NALF1: variants seen among roughly 807,000 people sequenced by gnomAD.
The protein encoded by NALF1 is NALCN channel auxiliary factor 1.
NALF1 carries 3 observed loss-of-function variants against 48.4 expected under a neutral mutation model. That is an observed-to-expected ratio of 0.06 (90% CI 0.03 to 0.16). The LOEUF (loss-of-function observed/expected upper bound fraction) is 0.16, where lower values mean the gene tolerates loss of function less well. Among genes scored for constraint, NALF1 ranks in the 10% least tolerant of loss-of-function variants. The probability of loss-of-function intolerance (pLI) is 1.00; values close to 1 mark genes in which losing one functional copy is unlikely to be tolerated. For synonymous variants in NALF1, 262 were observed against 245.7 expected, an observed-to-expected ratio of 1.07 and a Z score of -0.62; for missense variants, 526 against 571.5, an observed-to-expected ratio of 0.92 and a Z score of 0.81.
At chr13:107,280,928 A>G (rs949631184) in intron 1 of NALF1, among the ~76,000 whole-genome samples, 5 of 152,216 alleles carry the variant, frequency 3.3e-5, no homozygotes, top group African/African-American at 2.4e-5. Context: ...ATCCCTTTGT[A>G]TTACAGTTTG....
intron 1 of NALF1, among the ~76,000 whole-genome samples, chr13:107,302,246 T>C (rs773356766): frequency 5.9e-5 from 9 of 152,190 alleles, no homozygotes; most frequent in Non-Finnish European, 8.8e-5. Context: ...ACGCAGTCCC[T>C]GAACCTTGGA....
intron 1 of NALF1, among the ~76,000 whole-genome samples, chr13:107,769,219 T>C (rs1176055298): frequency 6.7e-6 from 1 of 148,742 alleles, no homozygotes; most frequent in African/African-American, 2.5e-5. Flanking sequence ...TAAATCATGC[T>C]GCTATAAAGA....
chr13:107,286,580 C>T (rs1252629443), intron 1 of NALF1, among the ~76,000 whole-genome samples: 1 of 126,096 alleles, frequency 7.9e-6, no homozygotes, highest in African/African-American at 2.9e-5. Context: ...GAGTAAGACC[C>T]TGTCTCAAAA....
At chr13:107,403,899 A>C (rs1399112063) in intron 1 of NALF1, among the ~76,000 whole-genome samples, 1 of 152,110 alleles carries the variant, frequency 6.6e-6, no homozygotes, top group East Asian at 1.9e-4. Context: ...AATAAAAGGG[A>C]GGAGTTACTA....
intron 1 of NALF1, among the ~76,000 whole-genome samples, chr13:107,396,666 C>T (rs1232355414): frequency 6.6e-6 from 1 of 152,116 alleles, no homozygotes; most frequent in African/African-American, 2.4e-5. Context: ...TGAAAAAGCA[C>T]ATTATTAGCA....
chr13:107,216,726 C>A (rs1359241495), intron 1 of NALF1, among the ~76,000 whole-genome samples: 1 of 152,144 alleles, frequency 6.6e-6, no homozygotes, highest in Non-Finnish European at 1.5e-5. Context: ...ATTCTCAACA[C>A]CAAAATGAGG....
chr13:107,688,445 G>C (rs1881488474), intron 1 of NALF1, among the ~76,000 whole-genome samples: 1 of 152,146 alleles, frequency 6.6e-6, no homozygotes, highest in Non-Finnish European at 1.5e-5. Context: ...TAAATTGGAT[G>C]AGCTTTAAAT....
chr13:107,767,034 A>G (rs571802444), intron 1 of NALF1, among the ~76,000 whole-genome samples: 2 of 152,338 alleles, frequency 1.3e-5, no homozygotes, highest in Admixed American at 1.3e-4. Flanking sequence ...CGGGTAAGAC[A>G]GAGTCAGAGA....
At chr13:107,530,258 G>GA (rs1876584404) in intron 1 of NALF1, among the ~76,000 whole-genome samples, 1 of 152,094 alleles carries the variant, frequency 6.6e-6, no homozygotes, top group African/African-American at 2.4e-5. Context: ...ATCCTAGCAA[G>GA]ATAGTCTGCC....
intron 2 of NALF1, among the ~76,000 whole-genome samples, chr13:107,188,007 A>C (rs1299087145): frequency 1.3e-5 from 2 of 152,150 alleles, no homozygotes; most frequent in African/African-American, 4.8e-5. Flanking sequence ...TTCAATCATA[A>C]TAAGATTTAC....
intron 2 of NALF1, among the ~76,000 whole-genome samples, chr13:107,190,880 G>T (rs1251045851): frequency 1.3e-5 from 2 of 152,282 alleles, no homozygotes; most frequent in East Asian, 1.9e-4. Flanking sequence ...AGAGCAGAAA[G>T]GTAGAGTTTG....
At chr13:107,756,454 T>TATATATATATATAA (rs1555323666) in intron 1 of NALF1, among the ~76,000 whole-genome samples, 1 of 150,828 alleles carries the variant, frequency 6.6e-6, no homozygotes, top group Non-Finnish European at 1.5e-5. Flanking sequence ...TATATATATA[T>TATATATATATATAA]AAAGCATAAA....
intron 1 of NALF1, among the ~76,000 whole-genome samples, chr13:107,812,367 TA>T (rs1879021463): frequency 6.6e-6 from 1 of 152,160 alleles, no homozygotes; most frequent in African/African-American, 2.4e-5. Flanking sequence ...TATAATATTC[TA>T]AAACAGTTTG....
intron 2 of NALF1, among the ~76,000 whole-genome samples, chr13:107,205,968 A>G (rs1323352518): frequency 6.6e-6 from 1 of 152,072 alleles, no homozygotes; most frequent in Admixed American, 6.5e-5. Flanking sequence ...TGACGGGTTG[A>G]CATCGTAGAA....
chr13:107,448,550 G>T (rs191495890), intron 1 of NALF1, among the ~76,000 whole-genome samples: 82 of 152,226 alleles, frequency 5.4e-4, no homozygotes, highest in Non-Finnish European at 8.5e-4. Flanking sequence ...TCCAGGAGGG[G>T]TCATGTCCAG....
At chr13:107,791,334 C>T (rs192217148) in intron 1 of NALF1, among the ~76,000 whole-genome samples, 74 of 152,178 alleles carry the variant, frequency 4.9e-4, no homozygotes, top group African/African-American at 9.9e-4. Context: ...AAGACAAAAA[C>T]TATGTACCTG....
intron 1 of NALF1, among the ~76,000 whole-genome samples, chr13:107,599,037 T>A (rs1335060886): frequency 2.0e-5 from 3 of 152,100 alleles, no homozygotes; most frequent in Non-Finnish European, 4.4e-5. Flanking sequence ...ATAGTATGAG[T>A]TTGTCCTAAG....
chr13:107,738,915 G>A (rs752362704), intron 1 of NALF1, among the ~76,000 whole-genome samples: 4 of 152,124 alleles, frequency 2.6e-5, no homozygotes, highest in African/African-American at 9.7e-5. Context: ...GCCTGCCTCT[G>A]CCTCCCAAAG....
rs112946908 is a variant in NALF1 at position 107,801,845 on chromosome 13, TC to T, written c.915+63836del. On this transcript the variant is annotated intron_variant, in intron 1 of 2. Coordinates refer to ENST00000375915, the MANE Select transcript of NALF1 (RefSeq NM_001080396.3). ...CCGAGTCGCCTTCTTCCTTCCCCTTTCCTCTTCGCACAGCCAGCGCTGCACC... is the reference window on the plus strand; with the variant it reads ...CCGAGTCGCCTTCTTCCTTCCCCTTTCTCTTCGCACAGCCAGCGCTGCACC... Among the ~76,000 whole-genome samples the T allele has an allele frequency of 1.4e-4, 21 of 151,578 alleles. 1 individual carries two copies. The highest frequency in any genetic ancestry group is 3.4e-4 in the African/African-American group (14 of 40,926).
Sources: gnomAD v4.1 joint callset for allele counts (sites outside exome capture counted in the v4.1 genomes callset) on GRCh38, gnomAD v4.1.1 for gene constraint, MANE v1.5 for transcripts, NCBI Gene and HGNC (gene_info 2026-07-23, HGNC 2026-07-21) for gene names.